SGCZ: variants seen among roughly 807,000 people sequenced by gnomAD.
SGCZ encodes the protein sarcoglycan zeta, also known as zeta-sarcoglycan.
In SGCZ, 40 loss-of-function variants were observed where a neutral mutation model predicts 41.3. The observed-to-expected ratio is 0.97, with a 90% CI of 0.75 to 1.26. SGCZ has a LOEUF of 1.26. SGCZ is among the 50% of genes most tolerant of loss of function. The pLI is 0.00. For synonymous variants in SGCZ, 206 were observed against 137.5 expected (o/e 1.50, Z -3.49); for missense variants, 552 against 369.8 (o/e 1.49, Z -4.04).
At chr8:15,083,932 T>A (rs1199374004) in intron 1 of SGCZ, among the ~76,000 whole-genome samples, 3 of 152,158 alleles carry the variant, frequency 2.0e-5, no homozygotes, top group Non-Finnish European at 4.4e-5. Flanking sequence ...TGTTTCATGG[T>A]CCTTGACTTT....
chr8:15,209,776 TTAA>T (rs142857277), intron 1 of SGCZ, among the ~76,000 whole-genome samples: 1 of 44,628 alleles, frequency 2.2e-5, no homozygotes, highest in African/African-American at 5.7e-5. Context: ...AAAAAATTAA[TTAA>T]TTAAAAAAAC....
intron 1 of SGCZ, among the ~76,000 whole-genome samples, chr8:15,110,655 A>AG (rs1807012342): frequency 6.6e-6 from 1 of 152,170 alleles, no homozygotes; most frequent in Admixed American, 6.5e-5. Context: ...GTATGGCACT[A>AG]GCCAGCACCT....
intron 2 of SGCZ, among the ~76,000 whole-genome samples, chr8:14,446,999 T>C (rs540825978): frequency 6.6e-6 from 1 of 152,296 alleles, no homozygotes; most frequent in South Asian, 2.1e-4. Flanking sequence ...GAAAGTAATA[T>C]AAACATGAAA....
intron 1 of SGCZ, among the ~76,000 whole-genome samples, chr8:15,191,703 G>A (rs183917705): frequency 6.6e-6 from 1 of 152,128 alleles, no homozygotes. Context: ...TTCAGCTGTA[G>A]AGATAAAGCA....
At chr8:14,145,775 G>C (rs1397957129) in intron 5 of SGCZ, among the ~76,000 whole-genome samples, 2 of 152,102 alleles carry the variant, frequency 1.3e-5, no homozygotes, top group African/African-American at 2.4e-5. Flanking sequence ...AAAGAAGCAG[G>C]AATCCTGGAG....
chr8:14,518,830 G>T (rs769199055), intron 2 of SGCZ, among the ~76,000 whole-genome samples: 1 of 150,696 alleles, frequency 6.6e-6, no homozygotes, highest in Non-Finnish European at 1.5e-5. Context: ...GCCAAGGCAG[G>T]AGGATCACTT....
At chr8:14,699,882 T>C in intron 1 of SGCZ, among the ~76,000 whole-genome samples, 1 of 151,820 alleles carries the variant, frequency 6.6e-6, no homozygotes, top group East Asian at 1.9e-4. Context: ...ATTAGAGAAA[T>C]GCAAATCAAA....
At chr8:14,147,832 T>TA (rs886837121) in intron 5 of SGCZ, among the ~76,000 whole-genome samples, 5 of 151,994 alleles carry the variant, frequency 3.3e-5, no homozygotes, top group East Asian at 1.9e-4. Context: ...TGAAAACATT[T>TA]AAAAAAATGG....
intron 2 of SGCZ, among the ~76,000 whole-genome samples, chr8:14,536,053 G>C (rs1803287300): frequency 6.6e-6 from 1 of 151,656 alleles, no homozygotes; most frequent in South Asian, 2.1e-4. Flanking sequence ...ACAAAACTGG[G>C]GAAATACACT....
Position 14,726,232 on chromosome 8 carries a change from C to T in SGCZ, c.40-171306G>A, listed in dbSNP as rs2130210339. ...GAGCAGAGATTGTGCCACTGCATTC[C>T]AGCCTGGGCAAAAGAGTGAGACTCT... On this transcript the variant is annotated intron_variant, in intron 1 of 7. Coordinates refer to ENST00000382080, the MANE Select transcript of SGCZ (RefSeq NM_139167.4). Among the ~76,000 whole-genome samples, 2 of 143,906 alleles carry T rather than the reference C, an allele frequency of 1.4e-5. 1 individual carries two copies. Among genetic ancestry groups the T allele is most frequent in the South Asian group, 4.4e-4 (2 of 4,548 alleles). The allele number at this position is 143,906 out of a possible 152,430, so 94.4% of individuals were successfully genotyped here.
chr8:14,189,267 A>T (rs113380921), intron 4 of SGCZ, among the ~76,000 whole-genome samples: 7,491 of 152,150 alleles, frequency 0.049, 260 homozygotes, highest in East Asian at 0.12. Context: ...ACTTCCCAAT[A>T]TATCTTCTTC....
intron 1 of SGCZ, among the ~76,000 whole-genome samples, chr8:14,671,140 G>A (rs966812029): frequency 1.8e-4 from 28 of 152,234 alleles, no homozygotes; most frequent in African/African-American, 6.3e-4. Context: ...GAATCATGTA[G>A]GACTGAGTCA....
At chr8:14,937,919 T>A (rs917212788) in intron 1 of SGCZ, among the ~76,000 whole-genome samples, 1 of 152,130 alleles carries the variant, frequency 6.6e-6, no homozygotes, top group Non-Finnish European at 1.5e-5. Flanking sequence ...ACATTGGATA[T>A]AATATAATCT....
At chr8:15,208,049 T>C (rs796549213) in intron 1 of SGCZ, among the ~76,000 whole-genome samples, 4 of 152,242 alleles carry the variant, frequency 2.6e-5, no homozygotes, top group African/African-American at 9.6e-5. Flanking sequence ...CTGATAGTTT[T>C]ATGTGTCTAC....
chr8:15,227,583 ATTCT>A (rs1801819583), intron 1 of SGCZ, among the ~76,000 whole-genome samples: 1 of 152,214 alleles, frequency 6.6e-6, no homozygotes, highest in African/African-American at 2.4e-5. Context: ...ATTTGGAGTC[ATTCT>A]TTCTCTTTCA....
At chr8:15,011,644 A>G (rs1481275256) in intron 1 of SGCZ, among the ~76,000 whole-genome samples, 4 of 152,168 alleles carry the variant, frequency 2.6e-5, no homozygotes, top group Admixed American at 2.0e-4. Flanking sequence ...TTCTTCCATC[A>G]TGTATTACTA....
At chr8:14,766,415 A>C (rs1212445296) in intron 1 of SGCZ, among the ~76,000 whole-genome samples, 1 of 152,152 alleles carries the variant, frequency 6.6e-6, no homozygotes, top group Admixed American at 6.5e-5. Context: ...CTTGTTCTAA[A>C]TGATGAACGT....
chr8:14,865,099 A>T (rs1244275039), intron 1 of SGCZ, among the ~76,000 whole-genome samples: 2 of 152,044 alleles, frequency 1.3e-5, no homozygotes, highest in Non-Finnish European at 2.9e-5. Flanking sequence ...ATATAATTAT[A>T]AAAAATGTGC....
chr8:14,840,596 C>T (rs1388304659), intron 1 of SGCZ, among the ~76,000 whole-genome samples: 1 of 152,050 alleles, frequency 6.6e-6, no homozygotes, highest in Non-Finnish European at 1.5e-5. Flanking sequence ...GTCAAAGAAA[C>T]CAAGTCTCAT....
Sources: allele counts gnomAD v4.1 joint callset (sites outside exome capture counted in the v4.1 genomes callset), GRCh38; gene constraint gnomAD v4.1.1; transcripts MANE v1.5; gene names NCBI Gene and HGNC (gene_info 2026-07-23, HGNC 2026-07-21).